PPARGC1A: variants seen among roughly 807,000 people sequenced by gnomAD.
PPARGC1A encodes the protein PPARG coactivator 1 alpha.
Under a neutral mutation model 88.7 loss-of-function variants are expected in PPARGC1A, and 25 were observed. The observed-to-expected ratio is 0.28, with a 90% CI of 0.21 to 0.39. The LOEUF is 0.39. Ranked by LOEUF, PPARGC1A falls within the 10% of genes least tolerant of loss-of-function variation. The probability of loss-of-function intolerance (pLI) is 1.00; values close to 1 mark genes in which losing one functional copy is unlikely to be tolerated. For synonymous variants in PPARGC1A, 363 were observed against 355.6 expected (o/e 1.02, Z -0.24); for missense variants, 880 against 968.7 (o/e 0.91, Z 1.22).
At chr4:24,263,668 C>T in the PPARGC1A span, among the ~76,000 whole-genome samples, 1 of 152,180 alleles carries the variant, frequency 6.6e-6, no homozygotes, top group Non-Finnish European at 1.5e-5. Flanking sequence ...CCTCAGTCCA[C>T]CCAATGTGAA....
the PPARGC1A span, among the ~76,000 whole-genome samples, chr4:24,043,941 C>T: frequency 6.6e-6 from 1 of 152,148 alleles, no homozygotes; most frequent in Non-Finnish European, 1.5e-5. Flanking sequence ...AAAGAAACCA[C>T]CTGTCCTCAA....
intron 1 of PPARGC1A, among the ~76,000 whole-genome samples, chr4:23,896,066 G>A (rs1269720080): frequency 1.3e-5 from 2 of 150,686 alleles, no homozygotes; most frequent in Non-Finnish European, 3.0e-5. Flanking sequence ...ATGGGAGAGT[G>A]TTCAAAATAC....
chr4:24,321,675 A>G, the PPARGC1A span, among the ~76,000 whole-genome samples: 2 of 152,232 alleles, frequency 1.3e-5, no homozygotes, highest in Non-Finnish European at 2.9e-5. Flanking sequence ...ATCACCATCT[A>G]TCTGCTACAT....
the PPARGC1A span, among the ~76,000 whole-genome samples, chr4:24,326,509 C>G: frequency 2.6e-5 from 4 of 152,056 alleles, no homozygotes; most frequent in Non-Finnish European, 5.9e-5. Context: ...AGCCTCTCTT[C>G]GCTTTCACTT....
At chr4:23,977,404 A>G in the PPARGC1A span, among the ~76,000 whole-genome samples, 7 of 152,264 alleles carry the variant, frequency 4.6e-5, no homozygotes, top group Non-Finnish European at 7.3e-5. Flanking sequence ...TAAAGAGAAG[A>G]AGAATAAAAA....
chr4:24,049,185 T>C, the PPARGC1A span, among the ~76,000 whole-genome samples: 3 of 148,184 alleles, frequency 2.0e-5, no homozygotes, highest in Non-Finnish European at 4.5e-5. Flanking sequence ...AGAGAGACTG[T>C]CTCTCTCTAT....
the PPARGC1A span, among the ~76,000 whole-genome samples, chr4:24,096,479 A>G: frequency 6.6e-6 from 1 of 152,246 alleles, no homozygotes; most frequent in Non-Finnish European, 1.5e-5. Context: ...TGTCAACACC[A>G]TCCACTTTGT....
chr4:24,098,412 C>T, the PPARGC1A span, among the ~76,000 whole-genome samples: 1 of 152,112 alleles, frequency 6.6e-6, no homozygotes, highest in East Asian at 1.9e-4. Flanking sequence ...CCAATTTAAT[C>T]AATTTATGTG....
At chr4:24,165,172 T>C in the PPARGC1A span, among the ~76,000 whole-genome samples, 2 of 152,038 alleles carry the variant, frequency 1.3e-5, no homozygotes, top group East Asian at 3.9e-4. Context: ...ATATTAACAA[T>C]TAAATTCCAA....
At chr4:24,184,948 C>T in the PPARGC1A span, among the ~76,000 whole-genome samples, 1 of 152,174 alleles carries the variant, frequency 6.6e-6, no homozygotes, top group Non-Finnish European at 1.5e-5. Context: ...TGTCCTACTC[C>T]TATCCTCATC....
At chr4:24,408,083 A>T in the PPARGC1A span, among the ~76,000 whole-genome samples, 11 of 152,262 alleles carry the variant, frequency 7.2e-5, no homozygotes, top group South Asian at 8.3e-4. Context: ...ACCACCCACA[A>T]AGTGTTTCTA....
intron 2 of PPARGC1A, among the ~76,000 whole-genome samples, chr4:23,870,069 CTA>C (rs1403643036): frequency 6.6e-6 from 1 of 152,150 alleles, no homozygotes; most frequent in African/African-American, 2.4e-5. Context: ...TTATCAAAGT[CTA>C]CACAGGAAAC....
chr4:24,067,318 G>T, the PPARGC1A span, among the ~76,000 whole-genome samples: 1 of 152,130 alleles, frequency 6.6e-6, no homozygotes, highest in African/African-American at 2.4e-5. Flanking sequence ...AAATGCTATA[G>T]TCATTCTGAA....
At chr4:24,273,464 T>C in the PPARGC1A span, among the ~76,000 whole-genome samples, 1 of 152,144 alleles carries the variant, frequency 6.6e-6, no homozygotes, top group Non-Finnish European at 1.5e-5. Flanking sequence ...ACTGGGACCT[T>C]CTTATGCTAG....
intron 10 of PPARGC1A, among the ~76,000 whole-genome samples, chr4:23,805,707 T>C (rs60619178): frequency 0.029 from 4,475 of 152,264 alleles, 228 homozygotes; most frequent in African/African-American, 0.1. Context: ...TTAAATTTCC[T>C]GGCGCCTGCT....
chr4:24,439,998 A>T, the PPARGC1A span, among the ~76,000 whole-genome samples: 1 of 152,224 alleles, frequency 6.6e-6, no homozygotes, highest in African/African-American at 2.4e-5. Flanking sequence ...GTTTTGGAGA[A>T]TCTTCCTAAT....
the PPARGC1A span, among the ~76,000 whole-genome samples, chr4:24,083,241 C>G: frequency 6.6e-5 from 10 of 152,132 alleles, no homozygotes; most frequent in Non-Finnish European, 1.5e-4. Flanking sequence ...TAGAAGAGAA[C>G]CATCAAATGC....
chr4:24,293,470 C>G, the PPARGC1A span, among the ~76,000 whole-genome samples: 1 of 30,104 alleles, frequency 3.3e-5, no homozygotes. Context: ...CCTGCCTGCA[C>G]TCCTCCTACC....
chr4:24,080,366 G>A, the PPARGC1A span, among the ~76,000 whole-genome samples: 3 of 151,796 alleles, frequency 2.0e-5, no homozygotes, highest in Admixed American at 6.6e-5. Flanking sequence ...ATATCAAAAA[G>A]TTAGTTATTA....
Sources: gnomAD v4.1 joint callset for allele counts (sites outside exome capture counted in the v4.1 genomes callset) on GRCh38, gnomAD v4.1.1 for gene constraint, MANE v1.5 for transcripts, NCBI Gene and HGNC (gene_info 2026-07-23, HGNC 2026-07-21) for gene names.